ERI1: variants seen among roughly 807,000 people sequenced by gnomAD.
The protein encoded by ERI1 is 3'-5' exoribonuclease 1.
In ERI1, 39 loss-of-function variants were observed where a neutral mutation model predicts 39.7. That is an observed-to-expected ratio of 0.98 (90% confidence interval 0.76 to 1.28). The LOEUF (loss-of-function observed/expected upper bound fraction) is 1.28. Ranked by LOEUF, ERI1 falls within the 50% of genes most tolerant of loss-of-function variation. The pLI, the probability that ERI1 is intolerant of heterozygous loss-of-function variation, is 0.00. For synonymous variants in ERI1, 204 were observed against 149.6 expected, an observed-to-expected ratio of 1.36 and a Z score of -2.65; for missense variants, 581 against 416.9, an observed-to-expected ratio of 1.39 and a Z score of -3.43.
rs1221476534 is a variant in ERI1, at chr8:9,007,997, C to T, written c.136C>T (p.Gln46Ter). The change falls in exon 2 of 7, where the codon CAG becomes TAG. Residue 46 changes from glutamine to a stop codon, truncating the protein, a stop_gained. Coordinates refer to ENST00000250263, the MANE Select transcript of ERI1 (RefSeq NM_153332.4). LOFTEE classifies it high-confidence loss of function. Reference sequence around the variant, plus strand: ...AACTCAACAGTGTAAATTTGATGGCCAGGAGACAAAAGGATCCAAGTTCAT... The same window carrying T: ...AACTCAACAGTGTAAATTTGATGGCTAGGAGACAAAAGGATCCAAGTTCAT... The part of the protein sequence containing the change: ...EETQQCKFDG[Q>*]ETKGSKFITS... 2.0e-6 allele frequency: 3 copies of T among 1,533,600 alleles called. No individual in the cohort carries two copies. Among genetic ancestry groups the T allele is most frequent in the Non-Finnish European group, 2.6e-6 (3 of 1,141,864 alleles). The allele number at this position is 1,533,600 out of a possible 1,614,324, so 95.0% of individuals were successfully genotyped here.
intron 3 of ERI1, among the ~76,000 whole-genome samples, chr8:9,077,049 C>T (rs891474468): frequency 6.6e-6 from 1 of 152,224 alleles, no homozygotes; most frequent in African/African-American, 2.4e-5. Flanking sequence ...GTACCTCATA[C>T]GCATGCCAGT....
Position 9,012,330 on chromosome 8 carries a change from T to C in ERI1, c.498+578T>C, listed in dbSNP as rs114228148. 8.9e-3 allele frequency among the ~76,000 whole-genome samples: 1,356 copies of C among 152,362 alleles called. 18 individuals carry two copies. Among genetic ancestry groups the C allele is most frequent in the African/African-American group, 0.031 (1,290 of 41,582 alleles). ...GTGTGCTTTAGATACTTGTCAGTGC[T>C]TTATTAGTTAAGAAAGTCTAGTAGG... On this transcript the variant is annotated intron_variant, in intron 3 of 6. Coordinates refer to ENST00000250263, the MANE Select transcript of ERI1 (RefSeq NM_153332.4).
downstream of ERI1, among the ~76,000 whole-genome samples, chr8:9,034,564 A>C (rs1419923855): frequency 6.6e-6 from 1 of 152,114 alleles, no homozygotes; most frequent in Non-Finnish European, 1.5e-5. Flanking sequence ...GTTTTGGGGC[A>C]CCACAGACCA....
At chr8:9,090,634 A>G (rs1346462794) in intron 3 of ERI1, among the ~76,000 whole-genome samples, 3 of 152,240 alleles carry the variant, frequency 2.0e-5, no homozygotes, top group Non-Finnish European at 4.4e-5. Context: ...AAGAGAAGAA[A>G]TGAGAAAGGA....
At chr8:9,050,964 C>T (rs2117372865) in intron 3 of ERI1, among the ~76,000 whole-genome samples, 1 of 152,190 alleles carries the variant, frequency 6.6e-6, no homozygotes, top group Middle Eastern at 3.4e-3. Context: ...TTTGTCTGGG[C>T]TGGTTCATCT....
chr8:9,009,363 A>G (rs368318451), intron 2 of ERI1, among the ~76,000 whole-genome samples: 147 of 152,288 alleles, frequency 9.7e-4, no homozygotes, highest in African/African-American at 3.4e-3. Flanking sequence ...AGGAATTCAG[A>G]AAGATGACAT....
rs759632418 is a variant in ERI1, at chr8:9,011,553, A to T, written c.299A>T (p.Asp100Val). ...CTTCTTCTACTTAGAGGAGTAAAGG[A>T]TGTTCTAAAGAAGAGACTGAAAAAC... ...EFKLETRGVK[D>V]VLKKRLKNYY... is the part of the protein sequence containing the mutation. Residue 100 changes from aspartate to valine, a missense_variant, in exon 3 of 7, where the codon GAT becomes GTT. Asp to Val is a radical substitution (Grantham distance 152). Transcript: ENST00000250263. The T allele has an allele frequency of 1.9e-6, 3 of 1,606,096 alleles. No homozygotes were observed. Among genetic ancestry groups the T allele is most frequent in the Non-Finnish European group, 1.7e-6 (2 of 1,176,076 alleles).
At chr8:9,092,804 G>A (rs1409321791) in intron 3 of ERI1, among the ~76,000 whole-genome samples, 1 of 152,192 alleles carries the variant, frequency 6.6e-6, no homozygotes, top group African/African-American at 2.4e-5. Context: ...CAGACCGGGT[G>A]GCTTCTTAGG....
chr8:9,036,148 G>A (rs1470605259), downstream of ERI1, among the ~76,000 whole-genome samples: 1 of 152,200 alleles, frequency 6.6e-6, no homozygotes, highest in African/African-American at 2.4e-5. Flanking sequence ...TGACAGCAAA[G>A]GATTTAGAAT....
chr8:9,008,192 C>A lies in ERI1; in HGVS notation c.287+44C>A, dbSNP rs774866078. 3.6e-6 allele frequency: 5 copies of A among 1,400,046 alleles called. No homozygotes were observed. The African/African-American group carries it at 4.4e-5, about 12-fold the overall frequency. 86.7% of individuals were successfully genotyped at this position (1,400,046 alleles called of 1,614,324 possible). A position where few individuals can be genotyped will look rare whatever the true frequency, so the allele number is the denominator to read the frequency against. On this transcript the variant is annotated intron_variant, in intron 2 of 6. Coordinates refer to ENST00000250263, the MANE Select transcript of ERI1 (RefSeq NM_153332.4). ...TAAAATTATAAAAGTAGTACATGCTCATTTTAGAAAATCTTGAAAACATTG... is the reference window on the plus strand; with the variant it reads ...TAAAATTATAAAAGTAGTACATGCTAATTTTAGAAAATCTTGAAAACATTG...
rs375521287 is a variant in ERI1 at position 9,020,825 on chromosome 8, TACA to T, written c.807+363_807+365del. 5.4e-3 allele frequency among the ~76,000 whole-genome samples: 824 copies of T among 152,338 alleles called. 9 individuals carry two copies. The highest frequency in any genetic ancestry group is 0.018 in the African/African-American group (759 of 41,582). On this transcript the variant is annotated intron_variant, in intron 6 of 6. Coordinates refer to ENST00000250263, the MANE Select transcript of ERI1 (RefSeq NM_153332.4). The stretch of plus-strand genomic sequence containing the variant: ...ATGTTTAAAATATTATTGCAAGACT[TACA>T]ATGAATGGCAGTCTTCTGCCATAGC...
At position 9,030,313 on chromosome 8, in the gene ERI1, C is replaced by A; in HGVS notation, c.*279C>A. ...TAATTTAAGGTGTTCAAGATATATT[C>A]TTTTTGGTTTTAAAATGCAAAATCT... On this transcript the variant is annotated 3_prime_UTR_variant, in exon 7 of 7. Coordinates refer to ENST00000250263, the MANE Select transcript of ERI1 (RefSeq NM_153332.4). The A allele has an allele frequency of 5.6e-6, 2 of 358,258 alleles. No homozygotes were observed. Among genetic ancestry groups the A allele is most frequent in the Non-Finnish European group, 1.0e-5 (2 of 195,194 alleles). 22.2% of individuals were successfully genotyped at this position (358,258 alleles called of 1,614,324 possible).
At chr8:9,020,328 T>G in intron 5 of ERI1, 22 bp from the exon 6 acceptor site, 1 of 1,368,524 alleles carries the variant, frequency 7.3e-7, no homozygotes, top group Non-Finnish European at 1.0e-6. Context: ...TCATCAATTT[T>G]TTGTCCTTTT....
chr8:9,080,843 G>C (rs1563093720), intron 3 of ERI1, among the ~76,000 whole-genome samples: 1 of 152,186 alleles, frequency 6.6e-6, no homozygotes, highest in Non-Finnish European at 1.5e-5. Flanking sequence ...GAATGGGGCA[G>C]ACAGCACAGC....
intron 3 of ERI1, among the ~76,000 whole-genome samples, chr8:9,054,273 C>T (rs1330127948): frequency 3.9e-5 from 6 of 152,322 alleles, no homozygotes; most frequent in Admixed American, 1.3e-4. Flanking sequence ...AAATTATCCC[C>T]ATCAAAATAC....
chr8:9,080,603 C>T (rs1006157063), intron 3 of ERI1, among the ~76,000 whole-genome samples: 1 of 152,238 alleles, frequency 6.6e-6, no homozygotes. Context: ...ACAAGGTTCA[C>T]GTTCACCCGT....
At chr8:9,009,254 G>A in intron 2 of ERI1, 1 of 343,622 alleles carries the variant, frequency 2.9e-6, no homozygotes, top group Non-Finnish European at 5.7e-6. Flanking sequence ...TCAGTCTTTT[G>A]GGAAAACATA....
At chr8:9,047,392 T>C (rs563095805) in intron 3 of ERI1, among the ~76,000 whole-genome samples, 4 of 152,208 alleles carry the variant, frequency 2.6e-5, no homozygotes, top group South Asian at 2.1e-4. Context: ...TCCCTGGGCC[T>C]AGCCAGTCAG....
chr8:9,092,875 A>C (rs1799751679), intron 3 of ERI1, among the ~76,000 whole-genome samples: 1 of 152,348 alleles, frequency 6.6e-6, no homozygotes, highest in East Asian at 1.9e-4. Flanking sequence ...AGGTTTCGGC[A>C]GGGTTGGTTC....
Sources: allele counts gnomAD v4.1 joint callset (sites outside exome capture counted in the v4.1 genomes callset), GRCh38; gene constraint gnomAD v4.1.1; transcripts MANE v1.5; gene names NCBI Gene and HGNC (gene_info 2026-07-23, HGNC 2026-07-21).